Variants in SEMA3E observed in about 807,000 individuals in gnomAD.
SEMA3E encodes semaphorin-3E.
SEMA3E carries 49 observed loss-of-function variants against 93.6 expected under a neutral mutation model. The observed-to-expected ratio is 0.52, with a 90% CI of 0.42 to 0.66. The LOEUF (loss-of-function observed/expected upper bound fraction) is 0.66, where lower values mean the gene tolerates loss of function less well. Ranked by LOEUF, SEMA3E falls within the 30% of genes least tolerant of loss-of-function variation. The pLI, the probability that SEMA3E is intolerant of heterozygous loss-of-function variation, is 0.00. For missense variants in SEMA3E, 906 were observed against 964.8 expected, an observed-to-expected ratio of 0.94 and a Z score of 0.81; for synonymous variants, 363 against 330.7, an observed-to-expected ratio of 1.10 and a Z score of -1.06.
At chr7:83,559,821 A>G (rs772730853) in intron 1 of SEMA3E, among the ~76,000 whole-genome samples, 18 of 152,058 alleles carry the variant, frequency 1.2e-4, no homozygotes, top group Non-Finnish European at 2.2e-4. Flanking sequence ...CAATCAAAAT[A>G]TCCTTCAGTA....
At chr7:83,581,623 A>C (rs971751635) in intron 1 of SEMA3E, among the ~76,000 whole-genome samples, 1 of 152,072 alleles carries the variant, frequency 6.6e-6, no homozygotes, top group Admixed American at 6.6e-5. Context: ...TGCAAACATC[A>C]GTAGCTTAAA....
intron 14 of SEMA3E, 64 bp downstream of exon 14, chr7:83,392,491 A>G: frequency 1.3e-6 from 2 of 1,572,656 alleles, no homozygotes; most frequent in South Asian, 2.3e-5. Flanking sequence ...GTTAAAAAAA[A>G]AAAAAAAAAA....
Position 83,363,335 on chromosome 7 carries a change from G to T in SEMA3E, c.*4251C>A, listed in dbSNP as rs1794613168. 2 of 152,164 alleles carry T rather than the reference G, an allele frequency of 1.3e-5. No homozygotes were observed. Among genetic ancestry groups the T allele is most frequent in the African/African-American group, 4.8e-5 (2 of 41,448 alleles). 9.4% of individuals were successfully genotyped at this position (152,164 alleles called of 1,614,324 possible). On this transcript the variant is annotated 3_prime_UTR_variant, in exon 17 of 17. Transcript: ENST00000643230. ...TAGCGCGTAGTGGCAGATCCACGTT[G>T]TAGTCAAAGAGACACACTGTTAATG...
intron 1 of SEMA3E, among the ~76,000 whole-genome samples, chr7:83,587,020 A>G (rs1266378274): frequency 6.6e-6 from 1 of 152,148 alleles, no homozygotes; most frequent in Non-Finnish European, 1.5e-5. Context: ...GAATAGATAT[A>G]TATCTGAGAA....
chr7:83,465,468 A>C (rs565995704), intron 4 of SEMA3E, among the ~76,000 whole-genome samples: 1 of 152,328 alleles, frequency 6.6e-6, no homozygotes, highest in South Asian at 2.1e-4. Context: ...GCTATTAAGC[A>C]CTTCAAATAC....
chr7:83,511,651 G>A (rs972489462), intron 1 of SEMA3E, among the ~76,000 whole-genome samples: 17 of 152,046 alleles, frequency 1.1e-4, no homozygotes, highest in South Asian at 2.1e-4. Context: ...TTGGAAGGGC[G>A]AGACAGGTGG....
intron 1 of SEMA3E, among the ~76,000 whole-genome samples, chr7:83,539,454 C>T (rs1246666207): frequency 6.6e-6 from 1 of 152,110 alleles, no homozygotes. Context: ...ATGTAGAGCG[C>T]CAATTTGTCC....
rs201160682 is a variant in SEMA3E, at chr7:83,387,032, A to G, written c.1686T>C (p.Asp562=). ...GCTGAGCTGCATTTCCATGTCGAAC[A>G]TCTTGTCTCCGGAAACGCCTGAAAG... The part of the protein sequence containing the change: ...THAKRRFRRQ[D]VRHGNAAQQC... Residue 562 remains aspartate, a synonymous_variant, in exon 15 of 17, where the codon GAT becomes GAC. Coordinates refer to ENST00000643230, the MANE Select transcript of SEMA3E (RefSeq NM_012431.3). The G allele has an allele frequency of 1.7e-5, 27 of 1,613,328 alleles. No homozygotes were observed. The highest frequency in any genetic ancestry group is 2.3e-5 in the Non-Finnish European group (27 of 1,179,620).
chr7:83,621,984 G>A (rs1793570172), intron 1 of SEMA3E, among the ~76,000 whole-genome samples: 1 of 152,134 alleles, frequency 6.6e-6, no homozygotes, highest in African/African-American at 2.4e-5. Flanking sequence ...TGCAAATCTT[G>A]ATAAATGAGA....
chr7:83,616,994 G>C (rs1793383132), intron 1 of SEMA3E, among the ~76,000 whole-genome samples: 1 of 151,772 alleles, frequency 6.6e-6, no homozygotes, highest in Non-Finnish European at 1.5e-5. Flanking sequence ...CAAAGTGCTG[G>C]GATTACAGGC....
At position 83,367,783 on chromosome 7, in the gene SEMA3E, T is replaced by G. The variant is rs1413263653; in HGVS notation, c.2131A>C (p.Lys711Gln). Residue 711 changes from lysine (K) to glutamine (Q), a missense_variant, in exon 17 of 17, where the codon AAG becomes CAG. By Grantham distance (53) the Lys-to-Gln change is moderately conservative. Transcript: ENST00000643230. ...SISQGAKPWY[K>Q]EFLQLIGYSN... ...TAACCGATCAGCTGCAAGAATTCCT[T>G]GTACCATGGTTTTGCTCCCTGCGAG... is the stretch of plus-strand genomic sequence containing the variant. 21 of 1,614,042 alleles carry G rather than the reference T, an allele frequency of 1.3e-5. No homozygotes were observed. The highest frequency in any genetic ancestry group is 1.6e-5 in the Non-Finnish European group (19 of 1,180,028).
chr7:83,422,768 A>G (rs2115711673), intron 4 of SEMA3E, among the ~76,000 whole-genome samples: 1 of 152,346 alleles, frequency 6.6e-6, no homozygotes, highest in East Asian at 1.9e-4. Context: ...AAACTGCAAG[A>G]GCAATACAAG....
chr7:83,463,068 TTTC>T (rs1789664183), intron 4 of SEMA3E, among the ~76,000 whole-genome samples: 1 of 149,526 alleles, frequency 6.7e-6, no homozygotes, highest in Admixed American at 6.8e-5. Context: ...CAAGCCCAAA[TTTC>T]TTCCTCATCT....
At chr7:83,474,570 G>A (rs1789970576) in intron 2 of SEMA3E, among the ~76,000 whole-genome samples, 1 of 149,518 alleles carries the variant, frequency 6.7e-6, no homozygotes, top group South Asian at 2.1e-4. Flanking sequence ...AAGATAAACA[G>A]AGAAAAATGG....
At chr7:83,420,578 A>G (rs1788653037) in intron 4 of SEMA3E, among the ~76,000 whole-genome samples, 1 of 152,224 alleles carries the variant, frequency 6.6e-6, no homozygotes, top group Non-Finnish European at 1.5e-5. Flanking sequence ...AAACTATAGT[A>G]CAAGACTACA....
chr7:83,377,566 C>A (rs547722210), intron 16 of SEMA3E, among the ~76,000 whole-genome samples: 2 of 151,976 alleles, frequency 1.3e-5, no homozygotes, highest in Non-Finnish European at 2.9e-5. Flanking sequence ...TTTGGTTTTT[C>A]AATTTCTGCT....
At chr7:83,425,211 A>G (rs1788744951) in intron 4 of SEMA3E, among the ~76,000 whole-genome samples, 1 of 145,034 alleles carries the variant, frequency 6.9e-6, no homozygotes, top group Non-Finnish European at 1.5e-5. Context: ...ACATTATACT[A>G]TTCAATACTT....
chr7:83,448,084 G>A (rs914260069), intron 4 of SEMA3E, among the ~76,000 whole-genome samples: 1 of 152,136 alleles, frequency 6.6e-6, no homozygotes, highest in African/African-American at 2.4e-5. Context: ...ATTTCCATGT[G>A]GAAAGTAAAA....
chr7:83,527,254 G>C (rs559791825), intron 1 of SEMA3E, among the ~76,000 whole-genome samples: 30 of 152,126 alleles, frequency 2.0e-4, no homozygotes, highest in Admixed American at 1.9e-3. Flanking sequence ...ATTAATTTTG[G>C]ACTTCCAGCC....
Sources: gnomAD v4.1 joint callset for allele counts (sites outside exome capture counted in the v4.1 genomes callset) on GRCh38, gnomAD v4.1.1 for gene constraint, MANE v1.5 for transcripts, NCBI Gene and HGNC (gene_info 2026-07-23, HGNC 2026-07-21) for gene names.